Variants in PLCB1 observed in about 807,000 individuals in gnomAD.
PLCB1 encodes 1-phosphatidylinositol 4,5-bisphosphate phosphodiesterase beta-1.
PLCB1 carries 46 observed loss-of-function variants against 161.8 expected under a neutral mutation model. That is an observed-to-expected ratio of 0.28 (90% CI 0.22 to 0.36). The LOEUF is 0.36. Ranked by LOEUF, PLCB1 falls within the 10% of genes least tolerant of loss-of-function variation. The probability of loss-of-function intolerance (pLI) is 1.00; values close to 1 mark genes in which losing one functional copy is unlikely to be tolerated. For missense variants in PLCB1, 1,016 were observed against 1,472.5 expected, an observed-to-expected ratio of 0.69 and a Z score of 5.07; for synonymous variants, 517 against 503.7, an observed-to-expected ratio of 1.03 and a Z score of -0.35.
chr20:8,298,561 A>G (rs547118316), intron 2 of PLCB1, among the ~76,000 whole-genome samples: 1 of 151,160 alleles, frequency 6.6e-6, no homozygotes, highest in Non-Finnish European at 1.5e-5. Flanking sequence ...TGACTGAACT[A>G]AGTATTCCAT....
chr20:8,850,146 A>T (rs1368056733), intron 31 of PLCB1, among the ~76,000 whole-genome samples: 5 of 152,196 alleles, frequency 3.3e-5, no homozygotes, highest in Non-Finnish European at 5.9e-5. Context: ...CTCCCAGCAG[A>T]TTTCTTTTTT....
At chr20:8,335,490 A>G (rs561410868) in intron 2 of PLCB1, among the ~76,000 whole-genome samples, 5 of 152,316 alleles carry the variant, frequency 3.3e-5, no homozygotes, top group East Asian at 3.9e-4. Flanking sequence ...GTGTTGTTAT[A>G]TGAATTGTCA....
chr20:8,383,748 T>C (rs1987335114), intron 3 of PLCB1, among the ~76,000 whole-genome samples: 1 of 152,260 alleles, frequency 6.6e-6, no homozygotes, highest in Non-Finnish European at 1.5e-5. Context: ...TTTGCTTGTC[T>C]GGAAAGGCTT....
At chr20:8,685,226 C>T (rs980678509) in intron 10 of PLCB1, 148 bp downstream of exon 10, 1 of 703,778 alleles carries the variant, frequency 1.4e-6, no homozygotes, top group Non-Finnish European at 2.5e-6. Context: ...ACTAAAGCCT[C>T]CCGCCTCCCA....
At chr20:8,583,453 C>A (rs2123085666) in intron 3 of PLCB1, among the ~76,000 whole-genome samples, 1 of 151,962 alleles carries the variant, frequency 6.6e-6, no homozygotes. Flanking sequence ...ATTTAAAAAC[C>A]CTCATCTTAG....
intron 2 of PLCB1, among the ~76,000 whole-genome samples, chr20:8,200,611 CTTAACAATCTTTTGAA>C (rs1194803728): frequency 6.6e-6 from 1 of 151,948 alleles, no homozygotes; most frequent in Admixed American, 6.6e-5. Flanking sequence ...AGTAACCTTG[CTTAACAATCTTTTGAA>C]TTTTAATAGT....
chr20:8,761,611 CG>C (rs1244400791), intron 25 of PLCB1, among the ~76,000 whole-genome samples: 1 of 152,092 alleles, frequency 6.6e-6, no homozygotes, highest in African/African-American at 2.4e-5. Flanking sequence ...CTCCACCTCC[CG>C]GGTTCAAGCA....
chr20:8,401,184 C>T (rs1182711736), intron 3 of PLCB1, among the ~76,000 whole-genome samples: 1 of 152,132 alleles, frequency 6.6e-6, no homozygotes, highest in Admixed American at 6.6e-5. Context: ...GTATTTCTAA[C>T]CATATCCTTT....
rs1015921872 is a variant in PLCB1, at chr20:8,322,116, C to T, written c.178-49266C>T. 1.8e-4 allele frequency among the ~76,000 whole-genome samples: 28 copies of T among 152,226 alleles called. No individual in the cohort carries two copies. The South Asian group carries it at 5.0e-3, about 27-fold the overall frequency. On this transcript the variant is annotated intron_variant, in intron 2 of 31. Coordinates refer to ENST00000338037, the MANE Select transcript of PLCB1 (RefSeq NM_015192.4). ...AGCAGAACTGAGCCCCCATTGCCAA[C>T]AATGGTTGCCTATTTATTAATATTC...
intron 2 of PLCB1, among the ~76,000 whole-genome samples, chr20:8,155,960 G>A (rs940004452): frequency 6.6e-6 from 1 of 152,188 alleles, no homozygotes; most frequent in African/African-American, 2.4e-5. Context: ...TGTTGACTAA[G>A]CAGCAGCATC....
intron 2 of PLCB1, among the ~76,000 whole-genome samples, chr20:8,311,797 T>A (rs967203384): frequency 6.6e-6 from 1 of 152,208 alleles, no homozygotes; most frequent in Non-Finnish European, 1.5e-5. Flanking sequence ...TCTTGTGGAA[T>A]GTGGCTGTCA....
At chr20:8,277,007 ATTATTATTG>A (rs200250005) in intron 2 of PLCB1, among the ~76,000 whole-genome samples, 2,346 of 138,620 alleles carry the variant, frequency 0.017, 23 homozygotes, top group African/African-American at 0.033. Flanking sequence ...TATTATTATT[ATTATTATTG>A]TTAGAGATGG....
intron 25 of PLCB1, among the ~76,000 whole-genome samples, chr20:8,761,564 G>A (rs911511622): frequency 6.6e-6 from 1 of 152,140 alleles, no homozygotes; most frequent in Non-Finnish European, 1.5e-5. Context: ...TGCCACCCAG[G>A]CTGGAACACA....
chr20:8,808,477 C>T (rs1984652547), intron 31 of PLCB1, among the ~76,000 whole-genome samples: 1 of 152,156 alleles, frequency 6.6e-6, no homozygotes, highest in Admixed American at 6.5e-5. Flanking sequence ...CATTAAAGAT[C>T]CTGTCTCCAA....
At chr20:8,813,927 C>T (rs1009230498) in intron 31 of PLCB1, among the ~76,000 whole-genome samples, 2 of 152,136 alleles carry the variant, frequency 1.3e-5, no homozygotes, top group Non-Finnish European at 1.5e-5. Context: ...TTTCCTGTAG[C>T]GGAATTCATA....
At chr20:8,315,275 A>G (rs1600307819) in intron 2 of PLCB1, among the ~76,000 whole-genome samples, 1 of 152,212 alleles carries the variant, frequency 6.6e-6, no homozygotes, top group African/African-American at 2.4e-5. Flanking sequence ...TGCATGCAAA[A>G]TAAGTGAGCC....
rs8118206 is a variant in PLCB1, at chr20:8,737,183, G to A, written c.2199G>A (p.Val733=). The A allele has an allele frequency of 2.6e-3, 4,253 of 1,612,992 alleles. 100 individuals carry two copies. The African/African-American group carries it at 0.047, about 18-fold the overall frequency. Residue 733 remains valine (V), a synonymous_variant, in exon 20 of 32, where the codon GTG becomes GTA. Coordinates refer to ENST00000338037, the MANE Select transcript of PLCB1 (RefSeq NM_015192.4). The part of the protein sequence containing the change: ...VNPVWEEEPI[V]FKKVVLPTLA... ...CTGTCTGGGAAGAAGAACCTATTGT[G>A]TTCAAAAAGGTTGGTCACATGTTCT...
chr20:8,240,305 C>CACACAT (rs1555792317), intron 2 of PLCB1, among the ~76,000 whole-genome samples: 1 of 146,866 alleles, frequency 6.8e-6, no homozygotes, highest in Non-Finnish European at 1.5e-5. Flanking sequence ...CACACACACA[C>CACACAT]GCACACACAC....
intron 23 of PLCB1, chr20:8,750,724 C>A: frequency 1.9e-6 from 1 of 520,886 alleles, no homozygotes; most frequent in Non-Finnish European, 3.4e-6. Flanking sequence ...ACAAATTGTG[C>A]TCATGTTTGA....
Sources: allele counts gnomAD v4.1 joint callset (sites outside exome capture counted in the v4.1 genomes callset), GRCh38; gene constraint gnomAD v4.1.1; transcripts MANE v1.5; gene names NCBI Gene and HGNC (gene_info 2026-07-23, HGNC 2026-07-21).